Variants in HLF observed in about 807,000 individuals in gnomAD.
HLF encodes the protein HLF transcription factor, PAR bZIP family member, also known as hepatic leukemia factor.
HLF carries 3 observed loss-of-function variants against 22.6 expected under a neutral mutation model. That is an observed-to-expected ratio of 0.13 (90% CI 0.06 to 0.34). The LOEUF (loss-of-function observed/expected upper bound fraction) is 0.34, where lower values mean the gene tolerates loss of function less well. HLF is among the 10% of genes least tolerant of loss of function. The pLI is 1.00. For missense variants in HLF, 299 were observed against 389.2 expected (o/e 0.77, Z 1.95); for synonymous variants, 151 against 151.8 (o/e 0.99, Z 0.04).
intron 2 of HLF, among the ~76,000 whole-genome samples, chr17:55,270,943 T>C (rs903764451): frequency 5.9e-5 from 9 of 152,236 alleles, no homozygotes; most frequent in Middle Eastern, 3.4e-3. Flanking sequence ...CGCCCGGCCT[T>C]GGGTAAATCT....
At chr17:55,315,563 C>A in intron 3 of HLF, 116 bp downstream of exon 3, 1 of 759,822 alleles carries the variant, frequency 1.3e-6, no homozygotes, top group Non-Finnish European at 2.2e-6. Context: ...TTTCTGATTT[C>A]TGATCCTGTT....
chr17:55,309,859 G>A (rs1357069930), intron 2 of HLF, among the ~76,000 whole-genome samples: 2 of 152,180 alleles, frequency 1.3e-5, no homozygotes, highest in Non-Finnish European at 2.9e-5. Context: ...GAAATAATAA[G>A]TAACACTATA....
At chr17:55,301,117 C>T (rs994684142) in intron 2 of HLF, among the ~76,000 whole-genome samples, 1 of 152,256 alleles carries the variant, frequency 6.6e-6, no homozygotes, top group African/African-American at 2.4e-5. Context: ...GGGACATTTC[C>T]TGTTGTCCCT....
intron 2 of HLF, among the ~76,000 whole-genome samples, chr17:55,304,562 C>T (rs1904454977): frequency 6.6e-6 from 1 of 152,182 alleles, no homozygotes; most frequent in African/African-American, 2.4e-5. Flanking sequence ...TTAATCCAGC[C>T]CAAGCTCCTG....
intron 2 of HLF, among the ~76,000 whole-genome samples, chr17:55,274,001 G>A (rs1404429895): frequency 6.6e-6 from 1 of 151,948 alleles, no homozygotes; most frequent in Non-Finnish European, 1.5e-5. Flanking sequence ...ATTCCTGGAG[G>A]CCAGCTCCTG....
intron 2 of HLF, among the ~76,000 whole-genome samples, chr17:55,291,062 G>T (rs1408655021): frequency 6.6e-6 from 1 of 152,202 alleles, no homozygotes; most frequent in African/African-American, 2.4e-5. Flanking sequence ...AAAGGTTTGA[G>T]CTAGCAGAGG....
At chr17:55,318,184 T>G (rs1307249316) in intron 3 of HLF, among the ~76,000 whole-genome samples, 1 of 152,104 alleles carries the variant, frequency 6.6e-6, no homozygotes, top group Non-Finnish European at 1.5e-5. Flanking sequence ...GGGCAGAGGA[T>G]GGAGTGCCAA....
rs1397001097 is a variant in HLF, at chr17:55,323,868, T to G, written c.*2989T>G. On this transcript the variant is annotated 3_prime_UTR_variant, in exon 4 of 4. Transcript: ENST00000226067. ...TTTCAGAGATTAATTATTTGGCCAT[T>G]AACAATGAATCCAAATCATATCATA... 2 of 226,682 alleles carry G rather than the reference T, an allele frequency of 8.8e-6. No individual in the cohort carries two copies. Among genetic ancestry groups the G allele is most frequent in the Non-Finnish European group, 1.8e-5 (2 of 113,976 alleles). 14.0% of individuals were successfully genotyped at this position (226,682 alleles called of 1,614,324 possible).
rs1194293070 is a variant in HLF, at chr17:55,324,314, G to A, written c.*3435G>A. ...TGGGGAACTCACAGTAATTCCAAATGTACAATCAGATGTCTAGGGTCTGTT... is the reference window on the plus strand; with the variant it reads ...TGGGGAACTCACAGTAATTCCAAATATACAATCAGATGTCTAGGGTCTGTT... On this transcript the variant is annotated 3_prime_UTR_variant, in exon 4 of 4. Transcript: ENST00000226067. 4.4e-6 allele frequency: 1 copy of A among 228,192 alleles called. No individual in the cohort carries two copies. 14.1% of individuals were successfully genotyped at this position (228,192 alleles called of 1,614,324 possible).
chr17:55,301,432 C>T (rs1475485438), intron 2 of HLF, among the ~76,000 whole-genome samples: 1 of 152,122 alleles, frequency 6.6e-6, no homozygotes, highest in East Asian at 1.9e-4. Context: ...TTTGCAATCT[C>T]GTTGATTAAA....
At chr17:55,293,623 T>C (rs369482327) in intron 2 of HLF, among the ~76,000 whole-genome samples, 13 of 152,338 alleles carry the variant, frequency 8.5e-5, no homozygotes, top group Admixed American at 2.0e-4. Flanking sequence ...TATACTATTA[T>C]TATTGTCGTT....
At chr17:55,315,538 C>G in intron 3 of HLF, 91 bp downstream of exon 3, 1 of 920,554 alleles carries the variant, frequency 1.1e-6, no homozygotes, top group South Asian at 1.5e-5. Flanking sequence ...ATCCCAGAAG[C>G]TAGTGCATGA....
At chr17:55,302,775 ACCTAGGTGGTG>A (rs1313358884) in intron 2 of HLF, among the ~76,000 whole-genome samples, 1 of 152,186 alleles carries the variant, frequency 6.6e-6, no homozygotes, top group Admixed American at 6.5e-5. Context: ...GACTCCAGGG[ACCTAGGTGGTG>A]CTGATTCAAG....
At chr17:55,316,148 A>G (rs796272235) in intron 3 of HLF, among the ~76,000 whole-genome samples, 6 of 152,252 alleles carry the variant, frequency 3.9e-5, no homozygotes, top group African/African-American at 1.4e-4. Flanking sequence ...ACCAGACACA[A>G]TAATGACATC....
intron 2 of HLF, among the ~76,000 whole-genome samples, chr17:55,291,649 C>T (rs951378174): frequency 6.6e-6 from 1 of 152,204 alleles, no homozygotes; most frequent in African/African-American, 2.4e-5. Flanking sequence ...ATTCTTCAGC[C>T]TATGGATCAA....
In HLF at chr17:55,321,413, A is replaced by G; in HGVS notation, c.*534A>G. On this transcript the variant is annotated 3_prime_UTR_variant, in exon 4 of 4. Coordinates refer to ENST00000226067, the MANE Select transcript of HLF (RefSeq NM_002126.5). The stretch of plus-strand genomic sequence containing the variant: ...CACTACTCCGCAGCTCTAGTCCTTT[A>G]TAAGTTGCTTTCCTCTTACTTTCAG... The G allele has an allele frequency of 4.3e-6, 1 of 232,972 alleles. No individual in the cohort carries two copies. The highest frequency in any genetic ancestry group is 6.1e-5 in the East Asian group (1 of 16,452). The allele number at this position is 232,972 out of a possible 1,614,324, so 14.4% of individuals were successfully genotyped here.
At chr17:55,275,570 T>A (rs2080897877) in intron 2 of HLF, among the ~76,000 whole-genome samples, 1 of 152,130 alleles carries the variant, frequency 6.6e-6, no homozygotes, top group African/African-American at 2.4e-5. Flanking sequence ...AAGGAGAAGG[T>A]TCAGTTTATC....
chr17:55,305,169 C>T (rs1193207235), intron 2 of HLF, among the ~76,000 whole-genome samples: 2 of 152,254 alleles, frequency 1.3e-5, no homozygotes, highest in Admixed American at 6.5e-5. Flanking sequence ...TTACCCTTCT[C>T]CTAGTGAGCC....
chr17:55,304,873 C>T (rs902181221), intron 2 of HLF, among the ~76,000 whole-genome samples: 2 of 152,324 alleles, frequency 1.3e-5, no homozygotes, highest in East Asian at 3.9e-4. Context: ...GGCCCCAGGC[C>T]ACACACAACT....
Sources: gnomAD v4.1 joint callset for allele counts (sites outside exome capture counted in the v4.1 genomes callset) on GRCh38, gnomAD v4.1.1 for gene constraint, MANE v1.5 for transcripts, NCBI Gene and HGNC (gene_info 2026-07-23, HGNC 2026-07-21) for gene names.